The following ANKS3 variants were observed in gnomAD, a reference collection of about 807,000 sequenced individuals.
The protein encoded by ANKS3 is ankyrin repeat and sterile alpha motif domain containing 3.
In ANKS3, 62 loss-of-function variants were observed where a neutral mutation model predicts 80.7. That is an observed-to-expected ratio of 0.77 (90% CI 0.63 to 0.95). ANKS3 has a LOEUF of 0.95. Ranked by LOEUF, ANKS3 falls within the 40% of genes least tolerant of loss-of-function variation. The pLI is 0.00. For missense variants in ANKS3, 1,150 were observed against 883.6 expected (o/e 1.30, Z -3.82); for synonymous variants, 489 against 355.3 (o/e 1.38, Z -4.23).
At chr16:4,701,226 T>A in intron 10 of ANKS3, 92 bp from the exon 11 acceptor site, 1 of 1,569,858 alleles carries the variant, frequency 6.4e-7, no homozygotes, top group South Asian at 1.1e-5. Context: ...CTTGAGAGGC[T>A]TCGTGAAACC....
chr16:4,733,224 A>AAC (rs2081752177), intron 1 of ANKS3, among the ~76,000 whole-genome samples: 2 of 151,360 alleles, frequency 1.3e-5, no homozygotes, highest in African/African-American at 2.4e-5. Context: ...AAAAAAAAAA[A>AAC]AGATCTAGTA....
chr16:4,696,838 T>C lies in ANKS3; in HGVS notation c.*70A>G. ...CTGCACATGGCAGCTACCTGCTCACTGTCCTCCTCACTCCCTGGCACACAG... is the reference window on the plus strand; with the variant it reads ...CTGCACATGGCAGCTACCTGCTCACCGTCCTCCTCACTCCCTGGCACACAG... On this transcript the variant is annotated 3_prime_UTR_variant, in exon 18 of 18. Transcript: ENST00000304283. 1.5e-6 allele frequency: 1 copy of C among 648,950 alleles called. No homozygotes were observed. The highest frequency in any genetic ancestry group is 2.7e-6 in the Non-Finnish European group (1 of 371,942). The allele number at this position is 648,950 out of a possible 1,614,324, so 40.2% of individuals were successfully genotyped here.
At chr16:4,699,459 G>A (rs1355570059) in intron 11 of ANKS3, 2 of 458,452 alleles carry the variant, frequency 4.4e-6, no homozygotes, top group Non-Finnish European at 8.1e-6. Context: ...AAGGGACCAT[G>A]GAGCTGCTGA....
intron 7 of ANKS3, among the ~76,000 whole-genome samples, chr16:4,710,642 G>A (rs779839609): frequency 3.3e-5 from 5 of 152,042 alleles, no homozygotes; most frequent in South Asian, 2.1e-4. Context: ...CCTGGGAGGC[G>A]GAGGTTGCAT....
chr16:4,721,873 T>C lies in ANKS3; in HGVS notation c.573+2877A>G, dbSNP rs185625155. Among the ~76,000 whole-genome samples the C allele has an allele frequency of 9.3e-4, 141 of 151,338 alleles. 1 individual carries two copies. Among genetic ancestry groups the C allele is most frequent in the African/African-American group, 3.3e-3 (136 of 41,448 alleles). On this transcript the variant is annotated intron_variant, in intron 6 of 17. Coordinates refer to ENST00000304283, the MANE Select transcript of ANKS3 (RefSeq NM_133450.4). ...CTGGTCTCAAACTCCTGACCTCAAG[T>C]GATCTGTCTGCCTTGGCCTCTCAAA... is the stretch of plus-strand genomic sequence containing the variant.
In ANKS3 at chr16:4,732,687, AAAC is replaced by A. The variant is rs1308960820; in HGVS notation, c.-70-1111_-70-1109del. Reference sequence around the variant, plus strand: ...GAGCGAAATTCTGTCTCAAAAAAAAAAACAAAAAAAAAACACTAAAGTGAAAAC... The same window carrying A: ...GAGCGAAATTCTGTCTCAAAAAAAAAAAAAAAAAAACACTAAAGTGAAAAC... On this transcript the variant is annotated intron_variant, in intron 1 of 17. Transcript: ENST00000304283. Among the ~76,000 whole-genome samples, 31 of 145,482 alleles carry A rather than the reference AAAC, an allele frequency of 2.1e-4. 2 individuals carry two copies. The highest frequency in any genetic ancestry group is 5.4e-4 in the African/African-American group (22 of 40,916).
At chr16:4,719,150 C>G (rs2080955480) in intron 6 of ANKS3, among the ~76,000 whole-genome samples, 1 of 151,986 alleles carries the variant, frequency 6.6e-6, no homozygotes, top group South Asian at 2.1e-4. Flanking sequence ...GCCTAAGCAA[C>G]TTAGTGAGAC....
chr16:4,708,224 A>G (rs189530730), intron 7 of ANKS3, among the ~76,000 whole-genome samples: 2 of 152,138 alleles, frequency 1.3e-5, no homozygotes, highest in African/African-American at 4.8e-5. Context: ...CATTAAAGTT[A>G]ATCAGAATAA....
At chr16:4,727,205 T>C (rs748863088) in intron 3 of ANKS3, 28 bp from the exon 4 acceptor site, 10 of 1,609,844 alleles carry the variant, frequency 6.2e-6, no homozygotes, top group Non-Finnish European at 8.5e-6. Flanking sequence ...ATGCTAGACA[T>C]GGCCAGCCGC....
chr16:4,704,417 G>C (rs1042898843), intron 8 of ANKS3, among the ~76,000 whole-genome samples: 11 of 152,246 alleles, frequency 7.2e-5, no homozygotes, highest in Middle Eastern at 3.4e-3. Context: ...AGCCATCAAA[G>C]GAAGACATAA....
At chr16:4,722,013 A>G (rs887757911) in intron 6 of ANKS3, among the ~76,000 whole-genome samples, 1 of 151,372 alleles carries the variant, frequency 6.6e-6, no homozygotes, top group African/African-American at 2.4e-5. Flanking sequence ...GCAGCTGCAC[A>G]TGGGGCAGGA....
chr16:4,697,019 G>A lies in ANKS3; in HGVS notation c.*9C>T. On this transcript the variant is annotated splice_region_variant and 3_prime_UTR_variant, in exon 17 of 18. Coordinates refer to ENST00000304283, the MANE Select transcript of ANKS3 (RefSeq NM_133450.4). ...GATCCAGGCTGGCAGACACTCACCG[G>A]CCCGCAGGCTAGGTCTCCCGCCACT... The A allele has an allele frequency of 6.2e-7, 1 of 1,611,520 alleles. No homozygotes were observed. The highest frequency in any genetic ancestry group is 8.5e-7 in the Non-Finnish European group (1 of 1,179,240).
chr16:4,725,589 C>G (rs550919927), intron 5 of ANKS3, among the ~76,000 whole-genome samples: 27 of 152,286 alleles, frequency 1.8e-4, no homozygotes, highest in African/African-American at 6.5e-4. Context: ...TGCGTTTGTT[C>G]AAAGGTGATT....
chr16:4,720,518 T>C (rs190801933), intron 6 of ANKS3, among the ~76,000 whole-genome samples: 2 of 150,528 alleles, frequency 1.3e-5, no homozygotes, highest in East Asian at 2.0e-4. Context: ...AGGACCACTA[T>C]GGAACAAAGC....
chr16:4,711,450 G>A lies in ANKS3; in HGVS notation c.709+2601C>T, dbSNP rs923836114. ...GAGAAAAAAATTGGCCGGGTGCGGT[G>A]GCTCACACCTATAATCCCAGTACTT... On this transcript the variant is annotated intron_variant, in intron 7 of 17. Transcript: ENST00000304283. Among the ~76,000 whole-genome samples, 3 of 151,790 alleles carry A rather than the reference G, an allele frequency of 2.0e-5. No homozygotes were observed. In the South Asian group the frequency reaches 6.2e-4, roughly 32 times the overall value.
Position 4,697,962 on chromosome 16 carries a change from G to A in ANKS3, c.1810+15C>T. 1 of 1,568,118 alleles carries A rather than the reference G, an allele frequency of 6.4e-7. No homozygotes were observed. Among genetic ancestry groups the A allele is most frequent in the Non-Finnish European group, 8.6e-7 (1 of 1,158,798 alleles). On this transcript the variant is annotated intron_variant, in intron 15 of 17. Coordinates refer to ENST00000304283, the MANE Select transcript of ANKS3 (RefSeq NM_133450.4). ...TTCCCCTCTGCCCAGTGCGGAGTCA[G>A]GCCACTGCTCTTACCAGCTGGGGGG...
chr16:4,711,710 C>T (rs967586802), intron 7 of ANKS3, among the ~76,000 whole-genome samples: 7 of 138,986 alleles, frequency 5.0e-5, no homozygotes, highest in African/African-American at 8.0e-5. Context: ...AAGAGTGAAA[C>T]TCTGTCTCAA....
At chr16:4,717,661 T>C (rs928403993) in intron 6 of ANKS3, 1 of 152,226 alleles carries the variant, frequency 6.6e-6, no homozygotes, top group Admixed American at 6.5e-5. Flanking sequence ...TCGTTATATA[T>C]TTTTGGTTTT....
At chr16:4,717,818 C>T (rs1203013422) in intron 6 of ANKS3, among the ~76,000 whole-genome samples, 5 of 151,352 alleles carry the variant, frequency 3.3e-5, no homozygotes, top group African/African-American at 4.9e-5. Flanking sequence ...TTTTTTGAGA[C>T]GGAGTCTCAC....
Sources: gnomAD v4.1 joint callset for allele counts (sites outside exome capture counted in the v4.1 genomes callset) on GRCh38, gnomAD v4.1.1 for gene constraint, MANE v1.5 for transcripts, NCBI Gene and HGNC (gene_info 2026-07-23, HGNC 2026-07-21) for gene names.